The following CNGA1 variants were observed in gnomAD, a reference collection of about 807,000 sequenced individuals.
CNGA1 encodes cyclic nucleotide gated channel subunit alpha 1, also known as cyclic nucleotide-gated channel alpha-1.
Under a neutral mutation model 69.7 loss-of-function variants are expected in CNGA1, and 53 were observed. The observed-to-expected ratio is 0.76, with a 90% CI of 0.61 to 0.96. The LOEUF is 0.96. CNGA1 is among the 40% of genes least tolerant of loss of function. The pLI is 0.00. For missense variants in CNGA1, 739 were observed against 811.2 expected (o/e 0.91, Z 1.08); for synonymous variants, 249 against 283.5 (o/e 0.88, Z 1.22).
Position 47,951,356 on chromosome 4 carries a change from T to C in CNGA1, c.221A>G (p.Gln74Arg). ...YKSLRKGGPS[Q>R]REQYLPGAIA... ...AGGGATGGATCATACTGCTCACCTC[T>C]GTGATGGTCCTCCCTTTCTGAGTGA... Residue 74 changes from glutamine to arginine, a missense_variant, in exon 5 of 11, where the codon CAG becomes CGG. Coordinates refer to ENST00000514170, the MANE Select transcript of CNGA1 (RefSeq NM_001379270.1). 6.3e-7 allele frequency: 1 copy of C among 1,587,854 alleles called. No individual in the cohort carries two copies. The highest frequency in any genetic ancestry group is 2.2e-5 in the East Asian group (1 of 44,722).
chr4:47,939,405 A>G (rs1197694697), intron 10 of CNGA1, among the ~76,000 whole-genome samples: 2 of 152,190 alleles, frequency 1.3e-5, no homozygotes, highest in East Asian at 3.8e-4. Flanking sequence ...GTATCTCTTC[A>G]TCTGGCTCTT....
At position 47,943,280 on chromosome 4, in the gene CNGA1, T is replaced by C; in HGVS notation, c.338A>G (p.Asp113Gly). The C allele has an allele frequency of 6.8e-7, 1 of 1,473,766 alleles. No homozygotes were observed. The highest frequency in any genetic ancestry group is 1.9e-4 in the Middle Eastern group (1 of 5,274). 91.3% of individuals were successfully genotyped at this position (1,473,766 alleles called of 1,614,324 possible). Residue 113 changes from aspartate (D) to glycine (G), a missense_variant, in exon 8 of 11, where the codon GAT becomes GGT. Asp to Gly is a moderately conservative substitution (Grantham distance 94). Coordinates refer to ENST00000514170, the MANE Select transcript of CNGA1 (RefSeq NM_001379270.1). ...GTCGTTTTTATTTTCGTTTTTATCA[T>C]CTGACTTGCTGAAAAAATTAAGCAA... ...KKKKEKKSKS[D>G]DKNENKNDPE...
At chr4:48,001,539 A>T (rs557358305) in intron 2 of CNGA1, among the ~76,000 whole-genome samples, 1 of 152,362 alleles carries the variant, frequency 6.6e-6, no homozygotes, top group East Asian at 1.9e-4. Flanking sequence ...ATCAGAAAGT[A>T]TTACCAGAAT....
At chr4:47,960,081 C>T (rs1033160817) in intron 3 of CNGA1, among the ~76,000 whole-genome samples, 1 of 152,010 alleles carries the variant, frequency 6.6e-6, no homozygotes, top group Admixed American at 6.6e-5. Context: ...ACCATAAAAA[C>T]AACCCAATAA....
At position 47,942,094 on chromosome 4, in the gene CNGA1, C is replaced by A. The variant is rs1295690419; in HGVS notation, c.492G>T (p.Trp164Cys). The change falls in exon 9 of 11, where the codon TGG (tryptophan) becomes TGT (cysteine). Residue 164 changes from tryptophan to cysteine, a missense_variant. Transcript: ENST00000514170. ...TAACAGGTAATGTGATGCAAAACAG[C>A]CAGTTGTAATATGTGTTTCCCGAGG... ...IDPSGNTYYN[W>C]LFCITLPVMY... 3 of 1,613,880 alleles carry A rather than the reference C, an allele frequency of 1.9e-6. No individual in the cohort carries two copies. The highest frequency in any genetic ancestry group is 3.3e-5 in the Admixed American group (2 of 60,006).
chr4:47,979,420 T>G (rs1424671837), intron 3 of CNGA1, among the ~76,000 whole-genome samples: 1 of 151,998 alleles, frequency 6.6e-6, no homozygotes, highest in Admixed American at 6.6e-5. Context: ...GGACCAGCTG[T>G]GTAAATTTTG....
chr4:48,011,321 A>AT (rs942423323), intron 1 of CNGA1, among the ~76,000 whole-genome samples: 1 of 150,888 alleles, frequency 6.6e-6, no homozygotes, highest in African/African-American at 2.5e-5. Flanking sequence ...CTAAAAAAAA[A>AT]AAAGACAAGG....
In CNGA1 at chr4:47,937,050, C is replaced by A; in HGVS notation, c.1432G>T (p.Asp478Tyr). 6.2e-7 allele frequency: 1 copy of A among 1,614,202 alleles called. No homozygotes were observed. Among genetic ancestry groups the A allele is most frequent in the South Asian group, 1.1e-5 (1 of 91,086 alleles). ...DTLKKVRIFA[D>Y]CEAGLLVELV... ...TCCACCAACAGACCAGCTTCACAAT[C>A]AGCAAAAATGCGTACCTTTTTTAAT... Residue 478 changes from aspartate (D) to tyrosine (Y), a missense_variant, in exon 11 of 11, where the codon GAT becomes TAT. Transcript: ENST00000514170.
chr4:48,008,055 C>T (rs1429740336), intron 2 of CNGA1, among the ~76,000 whole-genome samples: 1 of 152,064 alleles, frequency 6.6e-6, no homozygotes, highest in Admixed American at 6.6e-5. Flanking sequence ...CCCTAAGGAA[C>T]TTTTATTGTT....
intron 2 of CNGA1, among the ~76,000 whole-genome samples, chr4:47,989,143 G>A (rs1386270627): frequency 6.6e-6 from 1 of 152,050 alleles, no homozygotes; most frequent in African/African-American, 2.4e-5. Context: ...GTGTTACTTA[G>A]GTCAAGTTAC....
At chr4:47,999,517 A>T (rs1714564635) in intron 2 of CNGA1, among the ~76,000 whole-genome samples, 1 of 152,232 alleles carries the variant, frequency 6.6e-6, no homozygotes, top group Non-Finnish European at 1.5e-5. Flanking sequence ...GAAGCAGGAA[A>T]ATGTGACCCA....
intron 2 of CNGA1, among the ~76,000 whole-genome samples, chr4:48,005,213 GT>G (rs765513978): frequency 6.6e-6 from 1 of 152,104 alleles, no homozygotes; most frequent in African/African-American, 2.4e-5. Flanking sequence ...CGCCTCCGAG[GT>G]TCAAGCAATT....
chr4:47,953,335 A>T (rs1381118013), intron 3 of CNGA1, among the ~76,000 whole-genome samples: 1 of 152,212 alleles, frequency 6.6e-6, no homozygotes, highest in African/African-American at 2.4e-5. Flanking sequence ...CCAGTTTTGA[A>T]ATACTCAAGC....
intron 3 of CNGA1, among the ~76,000 whole-genome samples, chr4:47,960,602 A>G (rs2110176880): frequency 6.6e-6 from 1 of 152,340 alleles, no homozygotes; most frequent in East Asian, 1.9e-4. Flanking sequence ...ATGAAATAAT[A>G]TGTATATAAA....
At chr4:48,004,204 A>G (rs1220379402) in intron 2 of CNGA1, among the ~76,000 whole-genome samples, 1 of 152,198 alleles carries the variant, frequency 6.6e-6, no homozygotes, top group African/African-American at 2.4e-5. Context: ...CCCCCTGTCC[A>G]GTGGACACGT....
intron 5 of CNGA1, among the ~76,000 whole-genome samples, chr4:47,950,695 A>T (rs1410963762): frequency 6.6e-6 from 1 of 152,218 alleles, no homozygotes; most frequent in African/African-American, 2.4e-5. Flanking sequence ...GTAATTATGT[A>T]AAACAGGTGG....
intron 1 of CNGA1, among the ~76,000 whole-genome samples, chr4:48,015,212 G>A (rs321629): frequency 0.96 from 146,136 of 152,092 alleles, 70,404 homozygotes; most frequent in Middle Eastern, 1. Context: ...AAACAAACAA[G>A]CAAACAAAAA....
At chr4:48,016,324 G>C (rs1023779173) in intron 1 of CNGA1, among the ~76,000 whole-genome samples, 159 bp downstream of exon 1, 3 of 152,256 alleles carry the variant, frequency 2.0e-5, no homozygotes, top group Admixed American at 6.5e-5. Flanking sequence ...GGCAATCGGC[G>C]CAGAACCCCA....
At chr4:48,014,575 T>G (rs189074898) in intron 1 of CNGA1, among the ~76,000 whole-genome samples, 2 of 152,246 alleles carry the variant, frequency 1.3e-5, no homozygotes, top group African/African-American at 4.8e-5. Flanking sequence ...CCAGCTTTCT[T>G]GGTTAGCATC....
Sources: allele counts gnomAD v4.1 joint callset (sites outside exome capture counted in the v4.1 genomes callset), GRCh38; gene constraint gnomAD v4.1.1; transcripts MANE v1.5; gene names NCBI Gene and HGNC (gene_info 2026-07-23, HGNC 2026-07-21).